CELF2: variants seen among roughly 807,000 people sequenced by gnomAD.
CELF2 encodes CUG triplet repeat RNA-binding protein 2.
CELF2 carries 8 observed loss-of-function variants against 62.6 expected under a neutral mutation model. That is an observed-to-expected ratio of 0.13 (90% CI 0.07 to 0.23). The LOEUF (loss-of-function observed/expected upper bound fraction) is 0.23. CELF2 is among the 10% of genes least tolerant of loss of function. CELF2 has a pLI of 1.00. For missense variants in CELF2, 333 were observed against 671.0 expected (o/e 0.50, Z 5.56); for synonymous variants, 258 against 250.0 (o/e 1.03, Z -0.30).
the CELF2 span, among the ~76,000 whole-genome samples, chr10:10,628,273 A>G: frequency 7.4e-6 from 1 of 134,674 alleles, no homozygotes; most frequent in Admixed American, 7.2e-5. Flanking sequence ...AAATGTTATC[A>G]GTATCCTCAT....
At chr10:10,904,884 A>G (rs561912579) in intron 1 of CELF2, among the ~76,000 whole-genome samples, 8 of 152,218 alleles carry the variant, frequency 5.3e-5, no homozygotes, top group Admixed American at 1.3e-4. Flanking sequence ...TTCAAGATCT[A>G]TAAGTAAAAT....
chr10:11,064,719 C>T (rs111973583), intron 1 of CELF2, among the ~76,000 whole-genome samples: 3 of 152,208 alleles, frequency 2.0e-5, no homozygotes, highest in African/African-American at 4.8e-5. Flanking sequence ...AGAGCAGGAG[C>T]ACCAGGAATA....
chr10:11,197,025 A>AGAGAG (rs1554936317), intron 2 of CELF2, among the ~76,000 whole-genome samples: 1 of 26,048 alleles, frequency 3.8e-5, no homozygotes, highest in African/African-American at 1.8e-4. Flanking sequence ...AGAAAGAAAG[A>AGAGAG]AAAGAAAGAA....
the CELF2 span, among the ~76,000 whole-genome samples, chr10:10,645,833 C>A: frequency 1.3e-5 from 2 of 152,150 alleles, no homozygotes; most frequent in Admixed American, 1.3e-4. Context: ...ATATTCCTGT[C>A]TAAAACCCTC....
intron 9 of CELF2, among the ~76,000 whole-genome samples, chr10:11,299,440 A>T (rs1429716337): frequency 6.6e-6 from 1 of 152,100 alleles, no homozygotes; most frequent in East Asian, 1.9e-4. Context: ...TGTTCTCTCC[A>T]TCTGGACAAG....
At chr10:10,637,178 AG>A in the CELF2 span, among the ~76,000 whole-genome samples, 1 of 152,188 alleles carries the variant, frequency 6.6e-6, no homozygotes, top group Admixed American at 6.5e-5. Context: ...TACATTATTA[AG>A]GGAAAGCTAA....
the CELF2 span, among the ~76,000 whole-genome samples, chr10:10,657,536 A>T: frequency 6.6e-6 from 1 of 152,208 alleles, no homozygotes; most frequent in East Asian, 1.9e-4. Flanking sequence ...GAAATAAAAA[A>T]ATGAAGTAGA....
chr10:11,049,887 T>G, intron 1 of CELF2, among the ~76,000 whole-genome samples: 1 of 152,174 alleles, frequency 6.6e-6, no homozygotes, highest in Non-Finnish European at 1.5e-5. Flanking sequence ...ACATTACCAC[T>G]GCGGAGGACT....
chr10:11,149,611 C>T (rs922728839), intron 1 of CELF2, among the ~76,000 whole-genome samples: 10 of 152,196 alleles, frequency 6.6e-5, no homozygotes, highest in East Asian at 1.9e-4. Context: ...GGACACATTT[C>T]GTGTTCCTCT....
the CELF2 span, among the ~76,000 whole-genome samples, chr10:10,663,038 G>A: frequency 6.6e-6 from 1 of 152,214 alleles, no homozygotes; most frequent in Non-Finnish European, 1.5e-5. Flanking sequence ...GTGGAAAGGA[G>A]AGCTGTTATT....
At position 11,319,526 on chromosome 10, in the gene CELF2, C is replaced by T. The variant is rs376071136; in HGVS notation, c.1097-1663C>T. Among the ~76,000 whole-genome samples, 1 of 151,980 alleles carries T rather than the reference C, an allele frequency of 6.6e-6. No homozygotes were observed. The highest frequency in any genetic ancestry group is 1.5e-5 in the Non-Finnish European group (1 of 68,004). The stretch of plus-strand genomic sequence containing the variant: ...TTTGGACAGCACTTACTTGCATGAC[C>T]CAAAGAAAACATTAATGAAAATCTC... On this transcript the variant is annotated intron_variant, in intron 10 of 12. Coordinates refer to ENST00000633077, the MANE Select transcript of CELF2 (RefSeq NM_001326342.2). The surrounding 1 kb of genome is among the most constrained non-coding windows in gnomAD (Gnocchi z 4.4).
At chr10:10,618,166 A>T in the CELF2 span, among the ~76,000 whole-genome samples, 1 of 151,990 alleles carries the variant, frequency 6.6e-6, no homozygotes, top group African/African-American at 2.4e-5. Context: ...CAGTATCTGG[A>T]ACCAAGCCTG....
At position 11,318,926 on chromosome 10, in the gene CELF2, C is replaced by G. The variant is rs750966566; in HGVS notation, c.1097-2263C>G. 54 of 471,074 alleles carry G rather than the reference C, an allele frequency of 1.1e-4. No individual in the cohort carries two copies. Among genetic ancestry groups the G allele is most frequent in the Admixed American group, 2.1e-4 (9 of 42,574 alleles). 29.2% of individuals were successfully genotyped at this position (471,074 alleles called of 1,614,324 possible). On this transcript the variant is annotated intron_variant, in intron 10 of 12. Coordinates refer to ENST00000633077, the MANE Select transcript of CELF2 (RefSeq NM_001326342.2). This position sits in a 1 kb window ranked among gnomAD's most constrained non-coding sequence, Gnocchi z 5.4. ...AGGGCCTGAAAACTCCCACCCGCAG[C>G]AGACAAGGCATCATGGTGGTGCGAT... is the stretch of plus-strand genomic sequence containing the variant.
intron 4 of CELF2, among the ~76,000 whole-genome samples, chr10:11,253,937 G>T (rs2860339): frequency 0.72 from 109,981 of 152,022 alleles, 40,094 homozygotes; most frequent in Middle Eastern, 0.79. Context: ...TTTGGTTTTG[G>T]TTTTTTAATT....
chr10:10,881,954 T>C (rs947567294), intron 1 of CELF2, among the ~76,000 whole-genome samples: 1 of 152,232 alleles, frequency 6.6e-6, no homozygotes, highest in African/African-American at 2.4e-5. Flanking sequence ...TTGACACCTT[T>C]TGTATGTAGT....
At chr10:11,163,300 G>GCAAT (rs2066158100) in intron 1 of CELF2, among the ~76,000 whole-genome samples, 1 of 152,152 alleles carries the variant, frequency 6.6e-6, no homozygotes, top group African/African-American at 2.4e-5. Flanking sequence ...GAGACCTGTG[G>GCAAT]CAATACCTTC....
At chr10:11,060,321 G>T (rs1049794152) in intron 1 of CELF2, among the ~76,000 whole-genome samples, 1 of 152,238 alleles carries the variant, frequency 6.6e-6, no homozygotes, top group Non-Finnish European at 1.5e-5. Flanking sequence ...GGCATAGTCA[G>T]TGGTGCCTTC....
chr10:10,879,026 C>T (rs954281705), intron 1 of CELF2, among the ~76,000 whole-genome samples: 1 of 152,166 alleles, frequency 6.6e-6, no homozygotes, highest in African/African-American at 2.4e-5. Flanking sequence ...TGCCGGGATG[C>T]ACAAGGGGCC....
chr10:11,310,094 C>G (rs2094480925), intron 9 of CELF2, among the ~76,000 whole-genome samples: 1 of 152,186 alleles, frequency 6.6e-6, no homozygotes, highest in African/African-American at 2.4e-5. Flanking sequence ...ACCCAGTACT[C>G]AGAATGCTAT....
Sources: gnomAD v4.1 joint callset for allele counts (sites outside exome capture counted in the v4.1 genomes callset) on GRCh38, gnomAD v4.1.1 for gene constraint, Gnocchi (gnomAD v3.1) non-coding constraint, MANE v1.5 for transcripts, NCBI Gene and HGNC (gene_info 2026-07-23, HGNC 2026-07-21) for gene names.